Variants in SHB observed in about 807,000 individuals in gnomAD.
SHB encodes the protein SH2 domain-containing adapter protein B.
In SHB, 20 loss-of-function variants were observed where a neutral mutation model predicts 52.3. That is an observed-to-expected ratio of 0.38 (90% CI 0.27 to 0.56). SHB has a LOEUF of 0.56. Ranked by LOEUF, SHB falls within the 20% of genes least tolerant of loss-of-function variation. The pLI, the probability that SHB is intolerant of heterozygous loss-of-function variation, is 0.71. For missense variants in SHB, 825 were observed against 723.3 expected, an observed-to-expected ratio of 1.14 and a Z score of -1.61; for synonymous variants, 397 against 316.5, an observed-to-expected ratio of 1.25 and a Z score of -2.70.
chr9:38,039,171 G>C (rs955956883), intron 1 of SHB, among the ~76,000 whole-genome samples: 2 of 152,198 alleles, frequency 1.3e-5, no homozygotes, highest in Non-Finnish European at 2.9e-5. Flanking sequence ...TTAAGATAAA[G>C]TGCCCTGTCA....
chr9:37,987,989 C>T (rs1363410060), intron 2 of SHB, among the ~76,000 whole-genome samples: 1 of 152,130 alleles, frequency 6.6e-6, no homozygotes, highest in Non-Finnish European at 1.5e-5. Context: ...TCACCACATG[C>T]CAGCCTTCCC....
intron 2 of SHB, chr9:38,015,512 T>C (rs1381997347): frequency 5.7e-6 from 4 of 699,822 alleles, no homozygotes; most frequent in Non-Finnish European, 1.0e-5. Flanking sequence ...TTTATGCTGC[T>C]TCCAGCTCCA....
intron 5 of SHB, chr9:37,936,888 G>A (rs1219016026): frequency 1.3e-5 from 2 of 152,176 alleles, no homozygotes; most frequent in African/African-American, 4.8e-5. Flanking sequence ...ACCTTAGGGA[G>A]GAAGGACACT....
chr9:37,982,790 ACT>A (rs1245541757), intron 2 of SHB, among the ~76,000 whole-genome samples: 1 of 152,094 alleles, frequency 6.6e-6, no homozygotes, highest in Non-Finnish European at 1.5e-5. Context: ...CAAGAGCAAA[ACT>A]CTGTTTCAAA....
chr9:37,956,122 A>G, intron 3 of SHB, 68 bp from the exon 4 acceptor site: 1 of 1,444,230 alleles, frequency 6.9e-7, no homozygotes, highest in Non-Finnish European at 9.5e-7. Flanking sequence ...GAGGCACAGA[A>G]GGGTAACGTT....
chr9:38,007,988 T>C (rs1821092567), intron 2 of SHB, among the ~76,000 whole-genome samples: 2 of 152,196 alleles, frequency 1.3e-5, no homozygotes, highest in African/African-American at 2.4e-5. Context: ...CCTTCTTCTG[T>C]GTTCTCCAAG....
At chr9:37,982,548 T>A (rs1820746607) in intron 2 of SHB, among the ~76,000 whole-genome samples, 1 of 151,930 alleles carries the variant, frequency 6.6e-6, no homozygotes, top group Non-Finnish European at 1.5e-5. Flanking sequence ...ATCCCACCAC[T>A]TTGGGAGGCC....
intron 1 of SHB, among the ~76,000 whole-genome samples, chr9:38,051,640 G>A (rs567892890): frequency 4.6e-5 from 7 of 152,204 alleles, no homozygotes; most frequent in Admixed American, 3.9e-4. Context: ...CCACCATCTC[G>A]TCACTTCACA....
At position 38,022,138 on chromosome 9, in the gene SHB, C is replaced by A. The variant is rs779139595; in HGVS notation, c.718-6007G>T. Reference sequence around the variant, plus strand: ...ATTAATTTCCTTAACAGTTTGGGGGCCACTAATCTCTTAGAGAATATGATC... The same window carrying A: ...ATTAATTTCCTTAACAGTTTGGGGGACACTAATCTCTTAGAGAATATGATC... On this transcript the variant is annotated intron_variant, in intron 1 of 5. Transcript: ENST00000377707. 2.0e-5 allele frequency among the ~76,000 whole-genome samples: 3 copies of A among 152,154 alleles called. No individual in the cohort carries two copies. In the East Asian group the frequency reaches 5.8e-4, roughly 29 times the overall value.
intron 5 of SHB, among the ~76,000 whole-genome samples, chr9:37,928,345 G>A (rs1209813030): frequency 3.9e-5 from 6 of 152,348 alleles, no homozygotes; most frequent in South Asian, 2.1e-4. Flanking sequence ...GTGCCAACAG[G>A]ATGGACAGAA....
At chr9:38,055,480 T>C (rs1165747712) in intron 1 of SHB, among the ~76,000 whole-genome samples, 1 of 152,140 alleles carries the variant, frequency 6.6e-6, no homozygotes, top group Non-Finnish European at 1.5e-5. Flanking sequence ...CTGAACTTTT[T>C]GCAGGTGTTA....
intron 5 of SHB, among the ~76,000 whole-genome samples, chr9:37,933,606 A>C (rs1431640499): frequency 6.6e-6 from 1 of 152,146 alleles, no homozygotes; most frequent in Non-Finnish European, 1.5e-5. Flanking sequence ...AATCTGTTGT[A>C]AACTCGCCCT....
chr9:37,981,950 C>A (rs147315863), intron 2 of SHB, among the ~76,000 whole-genome samples: 119 of 152,146 alleles, frequency 7.8e-4, no homozygotes, highest in African/African-American at 2.7e-3. Flanking sequence ...GATCACAGGT[C>A]ACCGTAACAG....
chr9:38,055,421 G>GTTGA (rs1222339649), intron 1 of SHB, among the ~76,000 whole-genome samples: 2 of 152,182 alleles, frequency 1.3e-5, no homozygotes, highest in Non-Finnish European at 2.9e-5. Flanking sequence ...GGACACCTGG[G>GTTGA]TTGATGGTGG....
chr9:37,977,389 T>A (rs1040367140), intron 2 of SHB, among the ~76,000 whole-genome samples: 1 of 152,078 alleles, frequency 6.6e-6, no homozygotes, highest in Admixed American at 6.5e-5. Context: ...CTTCTCTCCC[T>A]GGAAAGAGAG....
intron 2 of SHB, among the ~76,000 whole-genome samples, chr9:37,982,979 C>CCCCT (rs1554702659): frequency 6.6e-6 from 1 of 151,400 alleles, no homozygotes; most frequent in Non-Finnish European, 1.5e-5. Flanking sequence ...TGGTGCCCCC[C>CCCCT]CCTCCATCTT....
At chr9:37,986,925 C>T (rs375198343) in intron 2 of SHB, among the ~76,000 whole-genome samples, 8 of 152,386 alleles carry the variant, frequency 5.2e-5, no homozygotes, top group Admixed American at 6.5e-5. Context: ...GCCCCACACA[C>T]GCGATCTTCC....
intron 1 of SHB, among the ~76,000 whole-genome samples, chr9:38,067,006 C>A (rs983440069): frequency 1.3e-5 from 2 of 152,080 alleles, no homozygotes; most frequent in African/African-American, 2.4e-5. Flanking sequence ...GAAGACAGAA[C>A]AAGTATTATT....
chr9:38,045,934 T>C (rs1009990003), intron 1 of SHB, among the ~76,000 whole-genome samples: 3 of 152,034 alleles, frequency 2.0e-5, no homozygotes, highest in South Asian at 2.1e-4. Context: ...GTCATGATTA[T>C]GAAAAGAGGC....
Sources: gnomAD v4.1 joint callset for allele counts (sites outside exome capture counted in the v4.1 genomes callset) on GRCh38, gnomAD v4.1.1 for gene constraint, MANE v1.5 for transcripts, NCBI Gene and HGNC (gene_info 2026-07-23, HGNC 2026-07-21) for gene names.